Variants in PRKG1 observed in about 807,000 individuals in gnomAD.
PRKG1 encodes protein kinase cGMP-dependent 1, also known as cGMP-dependent protein kinase 1.
In PRKG1, 35 loss-of-function variants were observed where a neutral mutation model predicts 88.1. The observed-to-expected ratio is 0.40, with a 90% confidence interval of 0.30 to 0.53. The LOEUF is 0.53. PRKG1 is among the 20% of genes least tolerant of loss of function. The pLI, the probability that PRKG1 is intolerant of heterozygous loss-of-function variation, is 0.59. For synonymous variants in PRKG1, 303 were observed against 292.5 expected, an observed-to-expected ratio of 1.04 and a Z score of -0.37; for missense variants, 540 against 839.8, an observed-to-expected ratio of 0.64 and a Z score of 4.41.
At chr10:51,432,763 T>A (rs1224913095) in intron 2 of PRKG1, among the ~76,000 whole-genome samples, 2 of 152,188 alleles carry the variant, frequency 1.3e-5, no homozygotes, top group South Asian at 4.1e-4. Flanking sequence ...GATTGTTCTT[T>A]ACACTTGTGT....
rs74131617 is a variant in PRKG1 at position 51,342,809 on chromosome 10, A to G, written c.479-124914A>G. On this transcript the variant is annotated intron_variant, in intron 2 of 17. Coordinates refer to ENST00000373980, the MANE Select transcript of PRKG1 (RefSeq NM_006258.4). ...ATTGCTTCTTGTCCTAAAGTAAGAC[A>G]GCAATATGAAGAATAACAAACATTC... Among the ~76,000 whole-genome samples the G allele has an allele frequency of 8.2e-3, 1,242 of 152,362 alleles. 16 individuals carry two copies. Among genetic ancestry groups the G allele is most frequent in the African/African-American group, 0.029 (1,188 of 41,590 alleles).
At chr10:51,567,694 A>G (rs1030107233) in intron 3 of PRKG1, among the ~76,000 whole-genome samples, 1 of 152,036 alleles carries the variant, frequency 6.6e-6, no homozygotes, top group Admixed American at 6.6e-5. Context: ...TCAAACAATT[A>G]TTGTGCCTCA....
intron 4 of PRKG1, among the ~76,000 whole-genome samples, chr10:51,850,935 T>G (rs1037116879): frequency 1.3e-5 from 2 of 152,154 alleles, no homozygotes; most frequent in African/African-American, 4.8e-5. Flanking sequence ...AGATCCCAAA[T>G]GCTTTATAGG....
intron 2 of PRKG1, among the ~76,000 whole-genome samples, chr10:51,166,213 TAA>T (rs59483704): frequency 1.3e-4 from 18 of 140,184 alleles, no homozygotes; most frequent in Non-Finnish European, 1.4e-4. Flanking sequence ...TAAAGCCACT[TAA>T]AAAAAAAAAA....
At chr10:51,704,954 C>G (rs972841189) in intron 3 of PRKG1, among the ~76,000 whole-genome samples, 1 of 152,028 alleles carries the variant, frequency 6.6e-6, no homozygotes, top group Non-Finnish European at 1.5e-5. Flanking sequence ...TTTTTTAATA[C>G]CTTATAACTT....
At chr10:51,272,668 TG>T (rs963596195) in intron 2 of PRKG1, among the ~76,000 whole-genome samples, 5 of 152,214 alleles carry the variant, frequency 3.3e-5, no homozygotes, top group African/African-American at 1.2e-4. Context: ...TTTTCCCAGC[TG>T]GGTGAACATC....
chr10:51,844,470 C>A (rs961560367), intron 4 of PRKG1, among the ~76,000 whole-genome samples: 3 of 152,082 alleles, frequency 2.0e-5, no homozygotes, highest in African/African-American at 4.8e-5. Context: ...GTCTCACAGA[C>A]CTTATTTGCC....
chr10:51,383,562 C>A (rs934930536), intron 2 of PRKG1, among the ~76,000 whole-genome samples: 1 of 152,160 alleles, frequency 6.6e-6, no homozygotes, highest in African/African-American at 2.4e-5. Context: ...ACATGTAGCA[C>A]ATCCTGTGGA....
chr10:51,164,178 T>C (rs996270378), intron 2 of PRKG1, among the ~76,000 whole-genome samples: 11 of 152,126 alleles, frequency 7.2e-5, no homozygotes, highest in African/African-American at 2.4e-4. Context: ...CTCACATGGC[T>C]GGGTACTTCT....
At chr10:51,840,333 G>A (rs1394270476) in intron 4 of PRKG1, among the ~76,000 whole-genome samples, 1 of 151,806 alleles carries the variant, frequency 6.6e-6, no homozygotes, top group African/African-American at 2.4e-5. Flanking sequence ...TTTTTTAAAA[G>A]ATTTGTTGTG....
chr10:51,467,524 A>G (rs1839938179), intron 2 of PRKG1, among the ~76,000 whole-genome samples, 199 bp from the exon 3 acceptor site: 1 of 152,078 alleles, frequency 6.6e-6, no homozygotes. Context: ...AAATCTTTTC[A>G]GTAGTAAATT....
intron 5 of PRKG1, among the ~76,000 whole-genome samples, chr10:52,048,102 T>A (rs766039510): frequency 6.6e-6 from 1 of 152,116 alleles, no homozygotes; most frequent in Non-Finnish European, 1.5e-5. Context: ...TATTGGTAAT[T>A]GCCTGAATTA....
intron 4 of PRKG1, among the ~76,000 whole-genome samples, chr10:51,845,804 A>T (rs1384642985): frequency 6.6e-6 from 1 of 152,112 alleles, no homozygotes; most frequent in Non-Finnish European, 1.5e-5. Flanking sequence ...TTAGTTTTAT[A>T]CTACCTTCAA....
intron 3 of PRKG1, chr10:51,696,453 C>T (rs1841295620): frequency 6.6e-6 from 1 of 151,744 alleles, no homozygotes; most frequent in Non-Finnish European, 1.5e-5. Flanking sequence ...GAATTACTGA[C>T]TCAGATTTAG....
intron 2 of PRKG1, among the ~76,000 whole-genome samples, chr10:51,330,285 G>A (rs1190415444): frequency 4.0e-5 from 6 of 151,544 alleles, no homozygotes; most frequent in African/African-American, 1.5e-4. Flanking sequence ...CGAGTAGCTG[G>A]GATTGCAGGC....
chr10:51,052,078 T>A (rs1843569049), intron 1 of PRKG1, among the ~76,000 whole-genome samples: 1 of 152,188 alleles, frequency 6.6e-6, no homozygotes, highest in Non-Finnish European at 1.5e-5. Flanking sequence ...AAAACGCATA[T>A]GAATTTTATA....
At chr10:51,505,441 T>C (rs1841168861) in intron 3 of PRKG1, among the ~76,000 whole-genome samples, 1 of 152,150 alleles carries the variant, frequency 6.6e-6, no homozygotes, top group Non-Finnish European at 1.5e-5. Context: ...TCTTTTTTTG[T>C]TGTGTCTCTG....
chr10:51,264,528 C>T (rs1208603463), intron 2 of PRKG1, among the ~76,000 whole-genome samples: 1 of 152,060 alleles, frequency 6.6e-6, no homozygotes, highest in Non-Finnish European at 1.5e-5. Context: ...ACATATGTAT[C>T]ACGGTATTCT....
At chr10:51,636,372 A>T (rs1839656254) in intron 3 of PRKG1, among the ~76,000 whole-genome samples, 1 of 152,208 alleles carries the variant, frequency 6.6e-6, no homozygotes, top group African/African-American at 2.4e-5. Flanking sequence ...TTAGATAAAA[A>T]ATATTTGGAT....
Sources: gnomAD v4.1 joint callset for allele counts (sites outside exome capture counted in the v4.1 genomes callset) on GRCh38, gnomAD v4.1.1 for gene constraint, MANE v1.5 for transcripts, NCBI Gene and HGNC (gene_info 2026-07-23, HGNC 2026-07-21) for gene names.